PIK3AP1: variants seen among roughly 807,000 people sequenced by gnomAD.
PIK3AP1 encodes phosphoinositide-3-kinase adaptor protein 1.
Under a neutral mutation model 88.1 loss-of-function variants are expected in PIK3AP1, and 21 were observed. The ratio of observed to expected loss-of-function variants is 0.24; its 90% confidence interval spans 0.17 to 0.34. PIK3AP1 has a LOEUF of 0.34. Among genes scored for constraint, PIK3AP1 ranks in the 10% least tolerant of loss-of-function variants. The pLI is 1.00. For synonymous variants in PIK3AP1, 398 were observed against 400.0 expected, an observed-to-expected ratio of 1.00 and a Z score of 0.06; for missense variants, 828 against 1,035.7, an observed-to-expected ratio of 0.80 and a Z score of 2.75.
At chr10:96,686,451 G>A (rs1044186173) in intron 2 of PIK3AP1, among the ~76,000 whole-genome samples, 1 of 152,162 alleles carries the variant, frequency 6.6e-6, no homozygotes, top group Non-Finnish European at 1.5e-5. Context: ...TGGATGTACC[G>A]CAAATGAGCT....
intron 13 of PIK3AP1, among the ~76,000 whole-genome samples, chr10:96,611,454 C>A (rs1418133844): frequency 1.3e-5 from 2 of 151,658 alleles, no homozygotes; most frequent in Non-Finnish European, 2.9e-5. Context: ...TTTCTTCCTG[C>A]TCTGACTTAG....
At chr10:96,691,482 A>AT (rs5787208) in intron 2 of PIK3AP1, among the ~76,000 whole-genome samples, 88,442 of 151,938 alleles carry the variant, frequency 0.58, 27,639 homozygotes, top group African/African-American at 0.83. Flanking sequence ...GTTGGGTTTT[A>AT]TTTTATGTTT....
chr10:96,635,371 T>C (rs1245449244), intron 8 of PIK3AP1, among the ~76,000 whole-genome samples: 3 of 151,940 alleles, frequency 2.0e-5, no homozygotes, highest in Non-Finnish European at 2.9e-5. Flanking sequence ...ATTGAGTCTC[T>C]AGATGTGCAC....
At chr10:96,645,748 C>G in intron 7 of PIK3AP1, 86 bp from the exon 8 acceptor site, 1 of 1,160,110 alleles carries the variant, frequency 8.6e-7, no homozygotes, top group South Asian at 1.5e-5. Context: ...TTGTGGCCAG[C>G]AAAGTAAAGG....
intron 12 of PIK3AP1, among the ~76,000 whole-genome samples, chr10:96,619,140 C>T (rs996075164): frequency 8.5e-5 from 13 of 152,176 alleles, no homozygotes; most frequent in Admixed American, 5.9e-4. Flanking sequence ...ATTTCATATG[C>T]GTGTATGAGG....
chr10:96,639,499 C>T (rs1168728491), intron 8 of PIK3AP1, among the ~76,000 whole-genome samples: 1 of 152,314 alleles, frequency 6.6e-6, no homozygotes, highest in East Asian at 1.9e-4. Flanking sequence ...AAGGTTGCTG[C>T]TGTCGATGGG....
intron 8 of PIK3AP1, among the ~76,000 whole-genome samples, chr10:96,636,225 T>A (rs972588070): frequency 4.0e-5 from 6 of 150,632 alleles, no homozygotes; most frequent in Middle Eastern, 3.2e-3. Flanking sequence ...TCAGAAAAAA[T>A]AAATAAATAA....
At chr10:96,658,235 A>G (rs998220226) in intron 2 of PIK3AP1, among the ~76,000 whole-genome samples, 20 of 152,204 alleles carry the variant, frequency 1.3e-4, no homozygotes, top group African/African-American at 4.6e-4. Context: ...CAGAGAGTCC[A>G]TCATCTAAAA....
At chr10:96,651,675 C>A in intron 4 of PIK3AP1, 24 bp from the exon 5 acceptor site, 1 of 1,609,976 alleles carries the variant, frequency 6.2e-7, no homozygotes, top group Non-Finnish European at 8.5e-7. Flanking sequence ...AAGACACTAT[C>A]AAAATTCCCA....
In PIK3AP1 at chr10:96,690,988, T is replaced by C. The variant is rs114468589; in HGVS notation, c.430+18579A>G. On this transcript the variant is annotated intron_variant, in intron 2 of 16. Transcript: ENST00000339364. ...AGAATGATGCCAATATTCGGAGACA[T>C]AGAAATGAGAAGTGAAGAGGTAACT... is the stretch of plus-strand genomic sequence containing the variant. 1.6e-3 allele frequency among the ~76,000 whole-genome samples: 238 copies of C among 152,264 alleles called. 1 individual carries two copies. Among genetic ancestry groups the C allele is most frequent in the African/African-American group, 5.3e-3 (222 of 41,556 alleles).
chr10:96,610,573 A>G (rs990255507), intron 13 of PIK3AP1, among the ~76,000 whole-genome samples: 1 of 152,156 alleles, frequency 6.6e-6, no homozygotes, highest in African/African-American at 2.4e-5. Flanking sequence ...CCACACACAC[A>G]GTAATGACCC....
intron 2 of PIK3AP1, among the ~76,000 whole-genome samples, chr10:96,697,284 T>C (rs923821952): frequency 6.6e-6 from 1 of 152,170 alleles, no homozygotes; most frequent in Non-Finnish European, 1.5e-5. Flanking sequence ...CTTCCACTTA[T>C]CACATCACCC....
At chr10:96,606,107 G>C (rs1469145775) in intron 14 of PIK3AP1, among the ~76,000 whole-genome samples, 1 of 151,856 alleles carries the variant, frequency 6.6e-6, no homozygotes, top group East Asian at 1.9e-4. Flanking sequence ...AAACAAAAAG[G>C]AACATGTGAT....
chr10:96,625,919 TG>T (rs2134206543), intron 10 of PIK3AP1, among the ~76,000 whole-genome samples: 1 of 152,180 alleles, frequency 6.6e-6, no homozygotes, highest in Non-Finnish European at 1.5e-5. Flanking sequence ...GATAATTTTT[TG>T]TATTTTTTGT....
chr10:96,618,462 C>A (rs936651968), intron 12 of PIK3AP1, among the ~76,000 whole-genome samples: 1 of 152,254 alleles, frequency 6.6e-6, no homozygotes, highest in East Asian at 1.9e-4. Context: ...ACCTTATCCT[C>A]AAACTACTTT....
At chr10:96,617,341 C>A (rs1843007374) in intron 12 of PIK3AP1, among the ~76,000 whole-genome samples, 2 of 152,170 alleles carry the variant, frequency 1.3e-5, no homozygotes, top group African/African-American at 4.8e-5. Flanking sequence ...AGTCAATTAA[C>A]AATAACGCCG....
chr10:96,686,094 C>T (rs1844063989), intron 2 of PIK3AP1, among the ~76,000 whole-genome samples: 3 of 152,222 alleles, frequency 2.0e-5, no homozygotes, highest in Admixed American at 2.0e-4. Flanking sequence ...TTATTTAGAT[C>T]ATGAGTGTTC....
intron 13 of PIK3AP1, among the ~76,000 whole-genome samples, chr10:96,612,968 ATATATATATATATATTTTTTTTTTTT>A (rs1849143256): frequency 2.8e-5 from 3 of 108,150 alleles, no homozygotes; most frequent in African/African-American, 1.3e-4. Flanking sequence ...ATATATATAT[ATATATATATATATATTTTTTTTTTTT>A]TTTTTTTTTT....
chr10:96,626,374 G>T lies in PIK3AP1; in HGVS notation c.1669+334C>A, dbSNP rs577138320. ...GATTAAATGGCGTGTTCCAGATAGA[G>T]CATTCTTGATAGATTTCAATAAATG... On this transcript the variant is annotated intron_variant, in intron 10 of 16. Coordinates refer to ENST00000339364, the MANE Select transcript of PIK3AP1 (RefSeq NM_152309.3). 1.1e-4 allele frequency among the ~76,000 whole-genome samples: 17 copies of T among 152,326 alleles called. No individual in the cohort carries two copies. The South Asian group carries it at 3.3e-3, about 30-fold the overall frequency.
Sources: allele counts gnomAD v4.1 joint callset (sites outside exome capture counted in the v4.1 genomes callset), GRCh38; gene constraint gnomAD v4.1.1; transcripts MANE v1.5; gene names NCBI Gene and HGNC (gene_info 2026-07-23, HGNC 2026-07-21).